FRMD8: variants seen among roughly 807,000 people sequenced by gnomAD.
FRMD8 encodes FERM domain containing 8.
FRMD8 carries 37 observed loss-of-function variants against 54.2 expected under a neutral mutation model. That is an observed-to-expected ratio of 0.68 (90% CI 0.53 to 0.90). FRMD8 has a LOEUF of 0.90. FRMD8 is among the 40% of genes least tolerant of loss of function. The pLI, the probability that FRMD8 is intolerant of heterozygous loss-of-function variation, is 0.00. For synonymous variants in FRMD8, 246 were observed against 286.9 expected (o/e 0.86, Z 1.44); for missense variants, 585 against 653.7 (o/e 0.89, Z 1.15).
At chr11:65,387,150 C>A in intron 2 of FRMD8, 29 bp downstream of exon 2, 1 of 1,574,332 alleles carries the variant, frequency 6.4e-7, no homozygotes, top group Non-Finnish European at 8.7e-7. Flanking sequence ...TCCTCTTCCA[C>A]ACCCTCCTGG....
At chr11:65,384,345 C>T, upstream of FRMD8, among the ~76,000 whole-genome samples, 1 of 152,070 alleles carries the variant, frequency 6.6e-6, no homozygotes, top group Non-Finnish European at 1.5e-5. Context: ...TTCCCACTAC[C>T]TGGAATGCCT....
chr11:65,375,990 A>G, the FRMD8 span: 10 of 175,948 alleles, frequency 5.7e-5, no homozygotes, highest in Admixed American at 3.3e-4. Context: ...TGAACCCGGA[A>G]GGTGGAAAGG....
Position 65,404,840 on chromosome 11 carries a change from C to T in FRMD8, c.1072-24C>T, listed in dbSNP as rs1565611597. The T allele has an allele frequency of 1.9e-6, 3 of 1,596,810 alleles. No individual in the cohort carries two copies. Among genetic ancestry groups the T allele is most frequent in the African/African-American group, 2.7e-5 (2 of 74,612 alleles). ...GCATGGAAGGGGGCCCTGGCCAGGCCTCACACTGCCCCCTCCTCCCCAGGC... is the reference window on the plus strand; with the variant it reads ...GCATGGAAGGGGGCCCTGGCCAGGCTTCACACTGCCCCCTCCTCCCCAGGC... On this transcript the variant is annotated intron_variant, in intron 9 of 10. Coordinates refer to ENST00000317568, the MANE Select transcript of FRMD8 (RefSeq NM_031904.5). This position sits in a 1 kb window ranked among gnomAD's most constrained non-coding sequence, Gnocchi z 4.7.
Position 65,394,344 on chromosome 11 carries a change from A to T in FRMD8, c.500A>T (p.Asp167Val), listed in dbSNP as rs1855902942. 1 of 1,583,240 alleles carries T rather than the reference A, an allele frequency of 6.3e-7. No individual in the cohort carries two copies. Among genetic ancestry groups the T allele is most frequent in the African/African-American group, 1.3e-5 (1 of 74,114 alleles). Residue 167 changes from aspartate (D) to valine (V), a missense_variant, in exon 6 of 11, where the codon GAC becomes GTC. By Grantham distance (152) the Asp-to-Val change is radical (BLOSUM62 -3). Coordinates refer to ENST00000317568, the MANE Select transcript of FRMD8 (RefSeq NM_031904.5). ...LAARYPCDVE[D>V]CEALGALVCR... ...GCACGGTACCCGTGCGACGTGGAGG[A>T]CTGCGAGGCTCTGGGCGCCCTGGTG...
chr11:65,369,068 T>C, the FRMD8 span, among the ~76,000 whole-genome samples: 26 of 152,234 alleles, frequency 1.7e-4, no homozygotes, highest in Admixed American at 7.2e-4. Flanking sequence ...CTGGGCAACA[T>C]AGTAAGACCC....
the FRMD8 span, chr11:65,378,956 C>G: frequency 5.2e-6 from 1 of 191,354 alleles, no homozygotes; most frequent in Non-Finnish European, 1.1e-5. Context: ...CCAGGCAGGG[C>G]CAGGGGAGTG....
At chr11:65,381,781 C>T, upstream of FRMD8, 1 of 1,124,626 alleles carries the variant, frequency 8.9e-7, no homozygotes, top group East Asian at 2.4e-5. Flanking sequence ...TGGTCTCAAA[C>T]TCCTGGGCTC....
chr11:65,402,788 C>A (rs1284370878), intron 9 of FRMD8, among the ~76,000 whole-genome samples: 1 of 151,762 alleles, frequency 6.6e-6, no homozygotes, highest in Non-Finnish European at 1.5e-5. Context: ...TACAAAACTT[C>A]TGCATCTTTT....
At chr11:65,380,272 G>C in the FRMD8 span, 1 of 1,567,148 alleles carries the variant, frequency 6.4e-7, no homozygotes, top group Non-Finnish European at 8.8e-7. Context: ...GCAGGAGGAA[G>C]GAGAGCAGGG....
At chr11:65,402,337 G>A (rs1856101034) in intron 9 of FRMD8, among the ~76,000 whole-genome samples, 1 of 151,124 alleles carries the variant, frequency 6.6e-6, no homozygotes, top group African/African-American at 2.4e-5. Flanking sequence ...CTAGGCAACA[G>A]AGTGAGACTC....
the FRMD8 span, among the ~76,000 whole-genome samples, chr11:65,373,466 C>T: frequency 6.6e-6 from 1 of 152,264 alleles, no homozygotes; most frequent in South Asian, 2.1e-4. Flanking sequence ...TAAACTTTAG[C>T]ATGTGTAGAA....
At chr11:65,376,069 C>CAAAA in the FRMD8 span, 20 of 108,674 alleles carry the variant, frequency 1.8e-4, no homozygotes, top group East Asian at 8.8e-4. Context: ...GACTCCATCT[C>CAAAA]AAAAAAAAAA....
At chr11:65,410,090 A>T (rs1856295799) in intron 10 of FRMD8, among the ~76,000 whole-genome samples, 1 of 151,056 alleles carries the variant, frequency 6.6e-6, no homozygotes, top group Non-Finnish European at 1.5e-5. Context: ...CAAAGGCGGG[A>T]CATGGTGGCT....
intron 2 of FRMD8, among the ~76,000 whole-genome samples, chr11:65,388,696 G>T (rs538576107): frequency 6.6e-6 from 1 of 152,178 alleles, no homozygotes; most frequent in Non-Finnish European, 1.5e-5. Flanking sequence ...TATTTGGGCT[G>T]TTCTTCCCTA....
intron 6 of FRMD8, among the ~76,000 whole-genome samples, chr11:65,396,469 G>A (rs927825865): frequency 2.6e-5 from 4 of 152,032 alleles, no homozygotes; most frequent in Admixed American, 6.5e-5. Flanking sequence ...TTTTAGGGCC[G>A]GGGGAGCTCA....
At chr11:65,395,646 G>T (rs1305161690) in intron 6 of FRMD8, among the ~76,000 whole-genome samples, 2 of 152,238 alleles carry the variant, frequency 1.3e-5, no homozygotes, top group Admixed American at 1.3e-4. Context: ...CTGTGGGTAT[G>T]CCAGGGCCTC....
intron 7 of FRMD8, 30 bp from the exon 8 acceptor site, chr11:65,399,706 G>A: frequency 1.2e-6 from 2 of 1,611,136 alleles, no homozygotes; most frequent in Non-Finnish European, 1.7e-6. Flanking sequence ...TCTGGTGCTG[G>A]CCGGAGGCTG....
chr11:65,400,749 A>G lies in FRMD8; in HGVS notation c.953A>G (p.Gln318Arg). ...CATGTCCTGCTGGGCCTGCGCTTCC[A>G]GGAGCTGTCGTGGGACCACACCTCC... is the stretch of plus-strand genomic sequence containing the variant. The part of the protein sequence containing the change: ...EKHVLLGLRF[Q>R]ELSWDHTSPE... The change falls in exon 9 of 11, where the codon CAG (glutamine) becomes CGG (arginine). Residue 318 changes from glutamine (Q) to arginine (R), a missense_variant. Physicochemically the swap from Gln to Arg is conservative, Grantham distance 43. Coordinates refer to ENST00000317568, the MANE Select transcript of FRMD8 (RefSeq NM_031904.5). This position sits in a 1 kb window ranked among gnomAD's most constrained non-coding sequence, Gnocchi z 4.3. 1.2e-6 allele frequency: 2 copies of G among 1,604,960 alleles called. No homozygotes were observed. Among genetic ancestry groups the G allele is most frequent in the Non-Finnish European group, 1.7e-6 (2 of 1,176,768 alleles).
the FRMD8 span, chr11:65,379,050 CT>C: frequency 8.6e-6 from 3 of 348,674 alleles, no homozygotes; most frequent in Non-Finnish European, 1.6e-5. Flanking sequence ...CAAAGGTCTC[CT>C]TGGGGAGTGG....
Sources: gnomAD v4.1 joint callset for allele counts (sites outside exome capture counted in the v4.1 genomes callset) on GRCh38, gnomAD v4.1.1 for gene constraint, Gnocchi (gnomAD v3.1) non-coding constraint, MANE v1.5 for transcripts, NCBI Gene and HGNC (gene_info 2026-07-23, HGNC 2026-07-21) for gene names.